TMEM184B: variants seen among roughly 807,000 people sequenced by gnomAD.
TMEM184B encodes putative MAPK-activating protein FM08.
Under a neutral mutation model 41.8 loss-of-function variants are expected in TMEM184B, and 17 were observed. That is an observed-to-expected ratio of 0.41 (90% CI 0.28 to 0.61). TMEM184B has a LOEUF of 0.61. TMEM184B is among the 20% of genes least tolerant of loss of function. The pLI, the probability that TMEM184B is intolerant of heterozygous loss-of-function variation, is 0.34. For synonymous variants in TMEM184B, 240 were observed against 229.5 expected, an observed-to-expected ratio of 1.05 and a Z score of -0.41; for missense variants, 393 against 557.8, an observed-to-expected ratio of 0.70 and a Z score of 2.98.
At position 38,220,756 on chromosome 22, in the gene TMEM184B, A is replaced by G. The variant is rs2091235735; in HGVS notation, c.*713T>C. ...GGCTGTCCTTGGTAGGCCAGGGGGA[A>G]GGGGCATGAGGCAGGCAGAGGTGTG... is the stretch of plus-strand genomic sequence containing the variant. On this transcript the variant is annotated 3_prime_UTR_variant, in exon 9 of 9. Transcript: ENST00000361906. 7 of 986,222 alleles carry G rather than the reference A, an allele frequency of 7.1e-6. No individual in the cohort carries two copies. Among genetic ancestry groups the G allele is most frequent in the Non-Finnish European group, 8.4e-6 (7 of 830,228 alleles). 61.1% of individuals were successfully genotyped at this position (986,222 alleles called of 1,614,324 possible).
chr22:38,221,906 G>A, intron 8 of TMEM184B, 196 bp from the exon 9 acceptor site: 1 of 770,292 alleles, frequency 1.3e-6, no homozygotes. Context: ...TGGCTGGGGA[G>A]CCCCAAGGGG....
chr22:38,232,624 C>T (rs967697020), intron 3 of TMEM184B, among the ~76,000 whole-genome samples: 5 of 152,182 alleles, frequency 3.3e-5, no homozygotes, highest in African/African-American at 7.2e-5. Flanking sequence ...GAGGGAGCCA[C>T]GGTGGCCCTC....
intron 4 of TMEM184B, 44 bp from the exon 5 acceptor site, chr22:38,230,788 C>T (rs767064298): frequency 3.2e-5 from 50 of 1,583,134 alleles, no homozygotes; most frequent in Admixed American, 7.2e-5. Flanking sequence ...GAGTGAAGAG[C>T]CAGGACTTGG....
rs1175710896 is a variant in TMEM184B at position 38,272,966 on chromosome 22, C to CCCGGAGT, written c.-148_-142dup. On this transcript the variant is annotated 5_prime_UTR_variant, in exon 1 of 9. Transcript: ENST00000361906. ...CGGGCGGGGCGGGCGGCGCCGCAGCCCCGGAGTCTCCGCCGCCGCCGGCGC... is the reference window on the plus strand; with the variant it reads ...CGGGCGGGGCGGGCGGCGCCGCAGCCCCGGAGTCCGGAGTCTCCGCCGCCGCCGGCGC... 3.4e-6 allele frequency: 1 copy of CCCGGAGT among 292,788 alleles called. No individual in the cohort carries two copies. Among genetic ancestry groups the CCCGGAGT allele is most frequent in the Non-Finnish European group, 5.1e-6 (1 of 197,640 alleles). 18.1% of individuals were successfully genotyped at this position (292,788 alleles called of 1,614,324 possible).
intron 3 of TMEM184B, among the ~76,000 whole-genome samples, chr22:38,237,578 G>A (rs902522310): frequency 1.3e-5 from 2 of 152,232 alleles, no homozygotes; most frequent in Non-Finnish European, 2.9e-5. Flanking sequence ...GATAACGGGT[G>A]GATGAGCCTG....
At chr22:38,253,890 T>C (rs2092223170) in intron 1 of TMEM184B, among the ~76,000 whole-genome samples, 1 of 152,106 alleles carries the variant, frequency 6.6e-6, no homozygotes, top group South Asian at 2.1e-4. Context: ...GCATTGGGAA[T>C]GTATGAAGAA....
At chr22:38,243,499 G>A (rs996715493) in intron 3 of TMEM184B, among the ~76,000 whole-genome samples, 1 of 152,202 alleles carries the variant, frequency 6.6e-6, no homozygotes, top group Non-Finnish European at 1.5e-5. Flanking sequence ...GTACCCATGC[G>A]AGGCTGGCAG....
At chr22:38,222,663 C>A in intron 8 of TMEM184B, 1 of 985,614 alleles carries the variant, frequency 1.0e-6, no homozygotes, top group Non-Finnish European at 1.2e-6. Flanking sequence ...TATGTTGGCA[C>A]TGCCCGCGGC....
chr22:38,252,348 A>G (rs554733627), intron 1 of TMEM184B, among the ~76,000 whole-genome samples: 1 of 152,340 alleles, frequency 6.6e-6, no homozygotes, highest in African/African-American at 2.4e-5. Flanking sequence ...GGCGAGAGCC[A>G]CCACAACTGT....
At chr22:38,247,727 C>A (rs2092067497) in intron 2 of TMEM184B, 43 bp downstream of exon 2, 2 of 1,572,076 alleles carry the variant, frequency 1.3e-6, no homozygotes, top group Non-Finnish European at 8.6e-7. Flanking sequence ...CAGCCAGGAA[C>A]CTTTCTGGAC....
chr22:38,221,727 G>A lies in TMEM184B; in HGVS notation c.983-17C>T, dbSNP rs757292843. The A allele has an allele frequency of 3.7e-5, 59 of 1,612,010 alleles. 1 individual carries two copies. In the Middle Eastern group the frequency reaches 5.1e-4, roughly 14 times the overall value. ...CACAGCGGCCTGCCGGGCAGGGAGC[G>A]GGAGGGGCAGGTGAGGAGGCTGGGA... On this transcript the variant is annotated splice_polypyrimidine_tract_variant and intron_variant, in intron 8 of 8. Coordinates refer to ENST00000361906, the MANE Select transcript of TMEM184B (RefSeq NM_012264.5).
intron 3 of TMEM184B, among the ~76,000 whole-genome samples, chr22:38,240,729 AG>A (rs376664634): frequency 3.4e-4 from 47 of 137,168 alleles, no homozygotes; most frequent in African/African-American, 1.2e-3. Context: ...GGGGAAAAAA[AG>A]GCAAAAAAAA....
At chr22:38,270,448 T>C (rs906823598) in intron 1 of TMEM184B, among the ~76,000 whole-genome samples, 3 of 152,232 alleles carry the variant, frequency 2.0e-5, no homozygotes, top group Admixed American at 6.5e-5. Flanking sequence ...ATAAACGGAC[T>C]GTTGTTCCTA....
At chr22:38,254,610 A>G (rs563552063) in intron 1 of TMEM184B, among the ~76,000 whole-genome samples, 7 of 152,328 alleles carry the variant, frequency 4.6e-5, no homozygotes, top group Non-Finnish European at 8.8e-5. Flanking sequence ...CAAAACAAAC[A>G]AACAGGCAAA....
downstream of TMEM184B, among the ~76,000 whole-genome samples, chr22:38,219,089 T>G (rs2091189576): frequency 6.6e-6 from 1 of 152,194 alleles, no homozygotes; most frequent in Non-Finnish European, 1.5e-5. Flanking sequence ...GGTTGGGAAC[T>G]GGCTGGAGGT....
intron 8 of TMEM184B, chr22:38,222,554 C>T (rs563003651): frequency 8.9e-5 from 87 of 981,048 alleles, no homozygotes; most frequent in Non-Finnish European, 1.0e-4. Context: ...GATGAGGACA[C>T]GGAGAAGAGC....
intron 3 of TMEM184B, among the ~76,000 whole-genome samples, chr22:38,241,024 A>T (rs969800256): frequency 1.3e-5 from 2 of 152,222 alleles, no homozygotes; most frequent in Non-Finnish European, 2.9e-5. Flanking sequence ...GGGAGAGCAA[A>T]CCATGAACAA....
intron 8 of TMEM184B, chr22:38,222,818 A>C: frequency 1.6e-6 from 1 of 620,388 alleles, no homozygotes; most frequent in Non-Finnish European, 2.0e-6. Context: ...CCACCCCCCC[A>C]GGCCCCACAG....
intron 5 of TMEM184B, among the ~76,000 whole-genome samples, chr22:38,228,733 A>C (rs1369924924): frequency 6.6e-6 from 1 of 152,198 alleles, no homozygotes; most frequent in African/African-American, 2.4e-5. Flanking sequence ...TGGTAAAGAA[A>C]GGAAGAGGCC....
Sources: allele counts gnomAD v4.1 joint callset (sites outside exome capture counted in the v4.1 genomes callset), GRCh38; gene constraint gnomAD v4.1.1; transcripts MANE v1.5; gene names NCBI Gene and HGNC (gene_info 2026-07-23, HGNC 2026-07-21).